The following GPC5 variants were observed in gnomAD, a reference collection of about 807,000 sequenced individuals.
The protein encoded by GPC5 is glypican-5.
A neutral mutation model predicts 53.9 loss-of-function variants in GPC5; 47 were observed. That is an observed-to-expected ratio of 0.87 (90% CI 0.69 to 1.11). GPC5 has a LOEUF of 1.11. GPC5 is among the 50% of genes most tolerant of loss of function. GPC5 has a pLI of 0.00. For missense variants in GPC5, 748 were observed against 713.1 expected (o/e 1.05, Z -0.56); for synonymous variants, 286 against 263.3 (o/e 1.09, Z -0.84).
intron 7 of GPC5, among the ~76,000 whole-genome samples, chr13:92,414,362 G>A (rs1876185622): frequency 6.6e-6 from 1 of 152,006 alleles, no homozygotes; most frequent in African/African-American, 2.4e-5. Flanking sequence ...AAAATTAGCT[G>A]GGCGTGGTAG....
intron 6 of GPC5, among the ~76,000 whole-genome samples, chr13:92,062,748 T>C (rs1422052838): frequency 6.6e-6 from 1 of 152,034 alleles, no homozygotes; most frequent in Non-Finnish European, 1.5e-5. Context: ...TCAAATGCTA[T>C]AATGGTTTGT....
intron 7 of GPC5, among the ~76,000 whole-genome samples, chr13:92,691,509 C>G (rs1887395788): frequency 6.6e-6 from 1 of 151,148 alleles, no homozygotes; most frequent in Admixed American, 6.6e-5. Flanking sequence ...GATGGAAATG[C>G]AGAAATCACC....
At chr13:92,552,213 G>A (rs901763190) in intron 7 of GPC5, among the ~76,000 whole-genome samples, 1 of 151,854 alleles carries the variant, frequency 6.6e-6, no homozygotes, top group Non-Finnish European at 1.5e-5. Flanking sequence ...TTTCAACAAA[G>A]CCATATTGAA....
intron 7 of GPC5, among the ~76,000 whole-genome samples, chr13:92,361,755 C>T (rs1405097362): frequency 6.6e-6 from 1 of 151,492 alleles, no homozygotes; most frequent in Non-Finnish European, 1.5e-5. Flanking sequence ...AAACAGAAGC[C>T]AAATATCTGG....
At chr13:92,317,810 T>A (rs1462167105) in intron 7 of GPC5, among the ~76,000 whole-genome samples, 1 of 152,134 alleles carries the variant, frequency 6.6e-6, no homozygotes, top group East Asian at 1.9e-4. Flanking sequence ...CCCTTTTCTG[T>A]GTTTGAAAGA....
intron 2 of GPC5, among the ~76,000 whole-genome samples, chr13:91,638,446 A>G (rs928530604): frequency 4.0e-5 from 6 of 151,720 alleles, no homozygotes; most frequent in African/African-American, 1.5e-4. Flanking sequence ...CCTCACTGCA[A>G]ACTCTGCCTC....
chr13:92,576,492 T>C (rs1285489252), intron 7 of GPC5, among the ~76,000 whole-genome samples: 2 of 152,338 alleles, frequency 1.3e-5, no homozygotes, highest in South Asian at 4.1e-4. Flanking sequence ...GTGTGGCACT[T>C]CTGCTAGAGC....
intron 1 of GPC5, among the ~76,000 whole-genome samples, chr13:91,432,203 C>CTGCTGGTGTGTGTGTGTG (rs1555306318): frequency 7.3e-6 from 1 of 136,354 alleles, no homozygotes; most frequent in African/African-American, 2.8e-5. Context: ...GCTGCTGCTG[C>CTGCTGGTGTGTGTGTGTG]TGTGTGTGTG....
intron 7 of GPC5, among the ~76,000 whole-genome samples, chr13:92,169,789 G>C (rs1292538859): frequency 6.6e-6 from 1 of 151,996 alleles, no homozygotes; most frequent in East Asian, 1.9e-4. Flanking sequence ...GACAGCATAG[G>C]TGTTCTTAGT....
At chr13:92,475,638 A>G (rs1290384414) in intron 7 of GPC5, among the ~76,000 whole-genome samples, 1 of 152,154 alleles carries the variant, frequency 6.6e-6, no homozygotes, top group African/African-American at 2.4e-5. Context: ...TTCAAACTAT[A>G]CTACAAGGCT....
At chr13:92,821,493 G>A (rs1341708975) in intron 7 of GPC5, among the ~76,000 whole-genome samples, 1 of 152,078 alleles carries the variant, frequency 6.6e-6, no homozygotes, top group Admixed American at 6.6e-5. Flanking sequence ...CTGTGCTTAT[G>A]CAACACTGGG....
chr13:92,233,346 G>A (rs1054292003), intron 7 of GPC5, among the ~76,000 whole-genome samples: 2 of 152,312 alleles, frequency 1.3e-5, no homozygotes, highest in East Asian at 3.9e-4. Flanking sequence ...TTAAGAGTAA[G>A]CATTTGAAAT....
At position 92,466,406 on chromosome 13, in the gene GPC5, G is replaced by C. The variant is rs746309200; in HGVS notation, c.1561+321417G>C. On this transcript the variant is annotated intron_variant, in intron 7 of 7. Coordinates refer to ENST00000377067, the MANE Select transcript of GPC5 (RefSeq NM_004466.6). ...TAAAATCACAACCTGAAGTCATAAA[G>C]ACTCTTGCCTCCCTGTCTGATCTCA... Among the ~76,000 whole-genome samples the C allele has an allele frequency of 3.3e-5, 5 of 152,088 alleles. No homozygotes were observed. The East Asian group carries it at 9.7e-4, about 29-fold the overall frequency.
At chr13:92,794,537 A>G (rs1239158723) in intron 7 of GPC5, among the ~76,000 whole-genome samples, 3 of 152,138 alleles carry the variant, frequency 2.0e-5, no homozygotes, top group African/African-American at 7.2e-5. Flanking sequence ...TGGCCAGGGC[A>G]ATCAGGCAAG....
At chr13:91,480,350 C>A (rs1162549063) in intron 2 of GPC5, among the ~76,000 whole-genome samples, 1 of 152,130 alleles carries the variant, frequency 6.6e-6, no homozygotes, top group Non-Finnish European at 1.5e-5. Context: ...TAAAATTCCC[C>A]TGCTATGGGT....
At chr13:92,769,751 CAAA>C (rs201787550) in intron 7 of GPC5, among the ~76,000 whole-genome samples, 2,171 of 152,190 alleles carry the variant, frequency 0.014, 31 homozygotes, top group Admixed American at 0.022. Flanking sequence ...ATGAAAACCC[CAAA>C]GGTGATAGAT....
intron 2 of GPC5, among the ~76,000 whole-genome samples, chr13:91,595,143 G>A (rs996043936): frequency 6.6e-6 from 1 of 151,566 alleles, no homozygotes; most frequent in Non-Finnish European, 1.5e-5. Flanking sequence ...TCCCCCTCCC[G>A]AGTAGCTGGG....
At chr13:92,711,961 G>C (rs1163371569) in intron 7 of GPC5, among the ~76,000 whole-genome samples, 1 of 151,934 alleles carries the variant, frequency 6.6e-6, no homozygotes, top group Non-Finnish European at 1.5e-5. Flanking sequence ...TGTTAGCAGA[G>C]AGGGAAATTC....
intron 7 of GPC5, among the ~76,000 whole-genome samples, chr13:92,539,000 T>C (rs1320237653): frequency 9.1e-5 from 12 of 132,470 alleles, no homozygotes; most frequent in African/African-American, 2.9e-4. Flanking sequence ...ATATATATAC[T>C]TTATATATTT....
Sources: gnomAD v4.1 joint callset for allele counts (sites outside exome capture counted in the v4.1 genomes callset) on GRCh38, gnomAD v4.1.1 for gene constraint, MANE v1.5 for transcripts, NCBI Gene and HGNC (gene_info 2026-07-23, HGNC 2026-07-21) for gene names.